SHC3: variants seen among roughly 807,000 people sequenced by gnomAD.
SHC3 encodes SHC adaptor protein 3.
In SHC3, 15 loss-of-function variants were observed where a neutral mutation model predicts 60.4. The ratio of observed to expected loss-of-function variants is 0.25; its 90% CI spans 0.17 to 0.38. The LOEUF is 0.38. SHC3 is among the 10% of genes least tolerant of loss of function. SHC3 has a pLI of 1.00. For synonymous variants in SHC3, 294 were observed against 325.9 expected, an observed-to-expected ratio of 0.90 and a Z score of 1.05; for missense variants, 677 against 786.1, an observed-to-expected ratio of 0.86 and a Z score of 1.66.
At chr9:89,060,126 T>G (rs1414745338) in intron 6 of SHC3, among the ~76,000 whole-genome samples, 5 of 125,010 alleles carry the variant, frequency 4.0e-5, no homozygotes, top group African/African-American at 6.3e-5. Context: ...GACAATGGTG[T>G]AGGACGTGGT....
chr9:89,040,729 G>A (rs144895210), intron 10 of SHC3, among the ~76,000 whole-genome samples: 64 of 152,336 alleles, frequency 4.2e-4, no homozygotes, highest in Middle Eastern at 3.4e-3. Context: ...AGGCACTGGC[G>A]GGACTGAATT....
rs989030786 is a variant in SHC3, at chr9:89,178,112, G to A, written c.349C>T (p.Arg117Cys). Reference protein sequence around the residue: ...APDGSAPSAPRAPAMSAARKG... With the variant: ...APDGSAPSAPCAPAMSAARKG... ...CTGGCGGCGCTCATGGCCGGGGCGC[G>A]GGGCGCCGAGGGCGCACTGCCGTCC... The change falls in exon 1 of 12, where the codon CGC (arginine) becomes TGC (cysteine). Residue 117 changes from arginine to cysteine, a missense_variant. Transcript: ENST00000375835. This position sits in a 1 kb window ranked among gnomAD's most constrained non-coding sequence, Gnocchi z 6.9. The A allele has an allele frequency of 7.8e-6, 9 of 1,151,976 alleles. No homozygotes were observed. In the South Asian group the frequency reaches 2.5e-4, roughly 32 times the overall value. The allele number at this position is 1,151,976 out of a possible 1,614,324, so 71.4% of individuals were successfully genotyped here.
chr9:89,136,296 C>G (rs773756159), intron 1 of SHC3, among the ~76,000 whole-genome samples: 1 of 152,138 alleles, frequency 6.6e-6, no homozygotes, highest in Non-Finnish European at 1.5e-5. Context: ...GAGGCTGAGA[C>G]CTACTGGGCT....
chr9:89,042,699 C>A (rs1824707479), intron 9 of SHC3, among the ~76,000 whole-genome samples: 1 of 152,206 alleles, frequency 6.6e-6, no homozygotes, highest in South Asian at 2.1e-4. Flanking sequence ...AATAGGGCTG[C>A]AGTTACTGCC....
intron 3 of SHC3, among the ~76,000 whole-genome samples, chr9:89,077,210 C>A (rs1312834774): frequency 6.6e-6 from 1 of 151,640 alleles, no homozygotes; most frequent in African/African-American, 2.4e-5. Context: ...AAAAAACAGA[C>A]AATAAATGCT....
chr9:89,152,315 T>G (rs942299412), intron 1 of SHC3, among the ~76,000 whole-genome samples: 2 of 152,246 alleles, frequency 1.3e-5, no homozygotes, highest in Non-Finnish European at 2.9e-5. Flanking sequence ...GGCCTGGGCA[T>G]AGATCAATTA....
intron 11 of SHC3, among the ~76,000 whole-genome samples, chr9:89,027,327 A>ATTTTTTTGTT (rs1826329238): frequency 7.7e-6 from 1 of 130,350 alleles, no homozygotes; most frequent in Non-Finnish European, 1.6e-5. Context: ...TGAAATTCTG[A>ATTTTTTTGTT]TTTTTTTTTT....
intron 3 of SHC3, among the ~76,000 whole-genome samples, chr9:89,077,108 C>T (rs747544388): frequency 8.6e-5 from 13 of 151,286 alleles, no homozygotes; most frequent in Non-Finnish European, 1.5e-4. Flanking sequence ...ACCCAGGAGG[C>T]GGAGATTTCA....
At chr9:89,023,194 A>C (rs1826234349) in intron 11 of SHC3, among the ~76,000 whole-genome samples, 1 of 152,226 alleles carries the variant, frequency 6.6e-6, no homozygotes, top group Non-Finnish European at 1.5e-5. Context: ...ATTGCCCTTC[A>C]GGAGTCAGCA....
At chr9:89,132,029 T>C (rs1392323301) in intron 1 of SHC3, among the ~76,000 whole-genome samples, 1 of 152,056 alleles carries the variant, frequency 6.6e-6, no homozygotes, top group Non-Finnish European at 1.5e-5. Context: ...CAGCCCAAAA[T>C]CTCCTTAAGC....
At chr9:89,086,714 A>AT (rs1825536173) in intron 2 of SHC3, among the ~76,000 whole-genome samples, 1 of 152,066 alleles carries the variant, frequency 6.6e-6, no homozygotes, top group Non-Finnish European at 1.5e-5. Context: ...CCCTGCTTTG[A>AT]TTTTTCCTGT....
intron 4 of SHC3, among the ~76,000 whole-genome samples, chr9:89,073,630 C>T (rs558488243): frequency 3.6e-4 from 55 of 152,208 alleles, no homozygotes; most frequent in Non-Finnish European, 6.9e-4. Context: ...CCCATCCGCC[C>T]AAACCAAGGG....
At chr9:89,148,691 T>A (rs1564180351) in intron 1 of SHC3, among the ~76,000 whole-genome samples, 1 of 152,246 alleles carries the variant, frequency 6.6e-6, no homozygotes, top group South Asian at 2.1e-4. Context: ...TATTACCTGG[T>A]AGTACACTTT....
intron 1 of SHC3, among the ~76,000 whole-genome samples, chr9:89,137,028 A>C (rs953555543): frequency 3.5e-4 from 53 of 152,264 alleles, no homozygotes; most frequent in African/African-American, 1.3e-3. Context: ...CAGGATGGAG[A>C]GAGAGTGAAG....
chr9:89,019,477 T>C (rs576031004), intron 11 of SHC3, among the ~76,000 whole-genome samples: 1 of 152,196 alleles, frequency 6.6e-6, no homozygotes, highest in Non-Finnish European at 1.5e-5. Context: ...ACTGCCTTTG[T>C]TCACAGATGG....
At chr9:89,098,425 G>A (rs1825735811) in intron 2 of SHC3, among the ~76,000 whole-genome samples, 2 of 152,214 alleles carry the variant, frequency 1.3e-5, no homozygotes. Flanking sequence ...CTGTGAGTAT[G>A]TAGGAAAATA....
At chr9:89,058,195 A>T (rs998433406) in intron 6 of SHC3, among the ~76,000 whole-genome samples, 4 of 152,254 alleles carry the variant, frequency 2.6e-5, no homozygotes, top group African/African-American at 9.6e-5. Flanking sequence ...ATGTAAAACA[A>T]AGAAGATGGA....
At chr9:89,153,692 C>G (rs75699077) in intron 1 of SHC3, among the ~76,000 whole-genome samples, 2,009 of 152,360 alleles carry the variant, frequency 0.013, 45 homozygotes, top group African/African-American at 0.043. Context: ...TCACCTTCAG[C>G]AGAACAAATT....
At chr9:89,054,984 G>A (rs1824924963) in intron 6 of SHC3, among the ~76,000 whole-genome samples, 4 of 152,236 alleles carry the variant, frequency 2.6e-5, no homozygotes, top group African/African-American at 7.2e-5. Flanking sequence ...CATCAGCAAA[G>A]GGACTTTCAA....
Sources: allele counts gnomAD v4.1 joint callset (sites outside exome capture counted in the v4.1 genomes callset), GRCh38; gene constraint gnomAD v4.1.1; non-coding constraint Gnocchi (gnomAD v3.1); transcripts MANE v1.5; gene names NCBI Gene and HGNC (gene_info 2026-07-23, HGNC 2026-07-21).